RHOBTB1: variants seen among roughly 807,000 people sequenced by gnomAD.
RHOBTB1 encodes Rho related BTB domain containing 1.
A neutral mutation model predicts 71.6 loss-of-function variants in RHOBTB1; 40 were observed. The observed-to-expected ratio is 0.56, with a 90% confidence interval of 0.43 to 0.73. The LOEUF (loss-of-function observed/expected upper bound fraction) is 0.73, where lower values mean the gene tolerates loss of function less well. Ranked by LOEUF, RHOBTB1 falls within the 30% of genes least tolerant of loss-of-function variation. RHOBTB1 has a pLI of 0.00. For synonymous variants in RHOBTB1, 319 were observed against 334.9 expected, an observed-to-expected ratio of 0.95 and a Z score of 0.52; for missense variants, 797 against 894.0, an observed-to-expected ratio of 0.89 and a Z score of 1.38.
Position 60,869,527 on chromosome 10 carries a change from A to G in RHOBTB1, c.*1955T>C, listed in dbSNP as rs1302082401. The stretch of plus-strand genomic sequence containing the variant: ...TTAAAGGCCATAATCAGCATCAACC[A>G]AATGAACCAGCCACTTGGTTACAGT... On this transcript the variant is annotated 3_prime_UTR_variant, in exon 11 of 11. Transcript: ENST00000337910. The G allele has an allele frequency of 6.6e-6, 1 of 152,668 alleles. No individual in the cohort carries two copies. Among genetic ancestry groups the G allele is most frequent in the Non-Finnish European group, 1.5e-5 (1 of 68,038 alleles). The allele number at this position is 152,668 out of a possible 1,614,324, so 9.5% of individuals were successfully genotyped here.
chr10:60,926,952 A>G (rs540510588), intron 2 of RHOBTB1, among the ~76,000 whole-genome samples: 1 of 152,344 alleles, frequency 6.6e-6, no homozygotes, highest in Non-Finnish European at 1.5e-5. Context: ...CCTTGGTTGC[A>G]GATGATATCT....
chr10:60,923,913 T>C (rs2083709974), intron 2 of RHOBTB1, among the ~76,000 whole-genome samples: 1 of 152,218 alleles, frequency 6.6e-6, no homozygotes, highest in Non-Finnish European at 1.5e-5. Flanking sequence ...ATTTTCTCTA[T>C]AAATTACCCA....
At chr10:60,916,142 A>G (rs1366976715) in intron 2 of RHOBTB1, among the ~76,000 whole-genome samples, 1 of 152,172 alleles carries the variant, frequency 6.6e-6, no homozygotes, top group African/African-American at 2.4e-5. Flanking sequence ...CTTCGCCCAA[A>G]AGAATGTGGT....
chr10:60,930,659 T>C (rs925197481), intron 2 of RHOBTB1, among the ~76,000 whole-genome samples: 1 of 152,180 alleles, frequency 6.6e-6, no homozygotes, highest in African/African-American at 2.4e-5. Flanking sequence ...TAGAGAGGCA[T>C]GGCTTACCTC....
At chr10:60,891,334 CTTTTTTTT>C (rs756153141) in intron 5 of RHOBTB1, among the ~76,000 whole-genome samples, 1 of 71,320 alleles carries the variant, frequency 1.4e-5, no homozygotes, top group Non-Finnish European at 2.5e-5. Context: ...TTGCTGTTTG[CTTTTTTTT>C]TTTTTTTTTT....
At chr10:60,954,348 A>G (rs763756411) in intron 2 of RHOBTB1, among the ~76,000 whole-genome samples, 3 of 152,236 alleles carry the variant, frequency 2.0e-5, no homozygotes, top group South Asian at 2.1e-4. Context: ...ATAAAAATAC[A>G]GAAGATATAG....
At chr10:60,991,686 C>A (rs999599010) in intron 1 of RHOBTB1, among the ~76,000 whole-genome samples, 3 of 152,120 alleles carry the variant, frequency 2.0e-5, no homozygotes, top group Non-Finnish European at 4.4e-5. Flanking sequence ...CCGCCTCAGC[C>A]TCCCAAAGTG....
chr10:60,934,687 C>T (rs2134046939), intron 2 of RHOBTB1, among the ~76,000 whole-genome samples: 1 of 152,308 alleles, frequency 6.6e-6, no homozygotes, highest in South Asian at 2.1e-4. Flanking sequence ...TGATCAGCTG[C>T]CAAATTTAGC....
intron 8 of RHOBTB1, among the ~76,000 whole-genome samples, chr10:60,876,631 C>T (rs527285158): frequency 6.6e-6 from 1 of 152,226 alleles, no homozygotes; most frequent in East Asian, 1.9e-4. Flanking sequence ...AAAGTAATTG[C>T]CCATGGAAGC....
At chr10:60,866,282 A>G (rs191079086), downstream of RHOBTB1, among the ~76,000 whole-genome samples, 128 of 152,362 alleles carry the variant, frequency 8.4e-4, no homozygotes, top group African/African-American at 2.9e-3. Flanking sequence ...GCAGCCCTGG[A>G]GAGCCATGGA....
rs751173340 is a variant in RHOBTB1, at chr10:60,888,587, C to A, written c.1081G>T (p.Ala361Ser). Reference sequence around the variant, plus strand: ...TGTGTCTCAGGAACTGCACCCTCGGCTTCCAGCCCCAGAGCCTCCACCAGG... The same window carrying A: ...TGTGTCTCAGGAACTGCACCCTCGGATTCCAGCCCCAGAGCCTCCACCAGG... ...KSLVEALGLE[A>S]EGAVPETQTL... The change falls in exon 6 of 11, where the codon GCC becomes TCC. Residue 361 changes from alanine to serine, a missense_variant. This residue lies in a region of RHOBTB1 where 658 missense variants were observed against 681.5 expected (regional missense o/e 0.97). Coordinates refer to ENST00000337910, the MANE Select transcript of RHOBTB1 (RefSeq NM_014836.5). 1.9e-6 allele frequency: 3 copies of A among 1,614,196 alleles called. No homozygotes were observed. The highest frequency in any genetic ancestry group is 1.7e-6 in the Non-Finnish European group (2 of 1,180,038).
At chr10:60,996,645 C>A in intron 1 of RHOBTB1, among the ~76,000 whole-genome samples, 1 of 152,138 alleles carries the variant, frequency 6.6e-6, no homozygotes, top group Admixed American at 6.5e-5. Context: ...ACGTCCAGAG[C>A]TTTTATCAAT....
chr10:60,996,492 C>G (rs1345612185), intron 1 of RHOBTB1, among the ~76,000 whole-genome samples: 2 of 152,166 alleles, frequency 1.3e-5, no homozygotes, highest in Non-Finnish European at 2.9e-5. Flanking sequence ...GAGGAATTTG[C>G]CTCGCTGTCC....
At chr10:60,895,970 C>T (rs188020108) in intron 4 of RHOBTB1, among the ~76,000 whole-genome samples, 1 of 152,356 alleles carries the variant, frequency 6.6e-6, no homozygotes, top group East Asian at 1.9e-4. Context: ...TCCTAATTCT[C>T]AACACATCAG....
intron 7 of RHOBTB1, among the ~76,000 whole-genome samples, chr10:60,884,043 A>G (rs879694140): frequency 3.3e-5 from 5 of 152,230 alleles, no homozygotes; most frequent in Non-Finnish European, 5.9e-5. Context: ...GTTAGACACC[A>G]TAAGAGGCCA....
chr10:60,892,897 CG>C lies in RHOBTB1; in HGVS notation c.394del (p.Arg132GlufsTer28). 6.2e-7 allele frequency: 1 copy of C among 1,613,978 alleles called. No homozygotes were observed. The highest frequency in any genetic ancestry group is 1.1e-5 in the South Asian group (1 of 91,064). ...WYPEIKHFCP[R>X]TPVILVGCQL... ...GCACCCAACAAGGATAACGGGTGTT[CG>C]AGGGCAAAAGTGCTTGATTTCTGGA... On this transcript the variant is annotated frameshift_variant, in exon 5 of 11. Transcript: ENST00000337910. LOFTEE classifies it high-confidence loss of function.
chr10:60,968,821 G>A (rs189335801), intron 2 of RHOBTB1, among the ~76,000 whole-genome samples: 5 of 152,094 alleles, frequency 3.3e-5, no homozygotes, highest in African/African-American at 7.2e-5. Flanking sequence ...CAGGATGTTC[G>A]CCAAGGCATC....
At chr10:60,866,358 A>G (rs2093764769), downstream of RHOBTB1, among the ~76,000 whole-genome samples, 1 of 152,244 alleles carries the variant, frequency 6.6e-6, no homozygotes, top group Non-Finnish European at 1.5e-5. Flanking sequence ...AGTAGATAGA[A>G]GGAAATTTGC....
At chr10:60,947,985 T>C (rs2134354541), upstream of RHOBTB1, among the ~76,000 whole-genome samples, 1 of 152,336 alleles carries the variant, frequency 6.6e-6, no homozygotes, top group Admixed American at 6.5e-5. Flanking sequence ...TTATCATCAT[T>C]GTTTACAAAG....
Sources: allele counts gnomAD v4.1 joint callset (sites outside exome capture counted in the v4.1 genomes callset), GRCh38; gene constraint gnomAD v4.1.1; regional missense constraint gnomAD v4.1.1; transcripts MANE v1.5; gene names NCBI Gene and HGNC (gene_info 2026-07-23, HGNC 2026-07-21).